Variants in CCDC157 observed in about 807,000 individuals in gnomAD.
The protein encoded by CCDC157 is coiled-coil domain-containing protein 157.
Under a neutral mutation model 70.9 loss-of-function variants are expected in CCDC157, and 60 were observed. The observed-to-expected ratio is 0.85, with a 90% CI of 0.69 to 1.05. CCDC157 has a LOEUF of 1.05. Among genes scored for constraint, CCDC157 ranks in the 50% least tolerant of loss-of-function variants. CCDC157 has a pLI of 0.00. For missense variants in CCDC157, 943 were observed against 984.2 expected (o/e 0.96, Z 0.56); for synonymous variants, 373 against 422.4 (o/e 0.88, Z 1.43).
intron 1 of CCDC157, among the ~76,000 whole-genome samples, chr22:30,361,099 T>C (rs1228885802): frequency 6.6e-6 from 1 of 151,568 alleles, no homozygotes; most frequent in Non-Finnish European, 1.5e-5. Flanking sequence ...AATACAAAAA[T>C]TAGCTGGGCG....
At chr22:30,356,916 C>T, upstream of CCDC157, 1 of 807,074 alleles carries the variant, frequency 1.2e-6, no homozygotes, top group Non-Finnish European at 1.7e-6. Context: ...GAGTTGCGGC[C>T]GCGAAGGTAC....
At chr22:30,371,558 G>A in intron 5 of CCDC157, 92 bp from the exon 6 acceptor site, 1 of 1,084,022 alleles carries the variant, frequency 9.2e-7, no homozygotes, top group Non-Finnish European at 1.4e-6. Flanking sequence ...GCAGGCGATG[G>A]GCTGCCTCCA....
rs771952888 is a variant in CCDC157, at chr22:30,369,585, C to T, written c.402C>T (p.His134=). The change falls in exon 4 of 12, where the codon CAC becomes CAT. Residue 134 remains histidine, a synonymous_variant. Transcript: ENST00000338306. ...GCCTGCTGAGGCTGGGCACGCTCCA[C>T]CAGCAGCCACTCCCCCAGGTGGGTC... ...WDSLLRLGTL[H]QQPLPQKGAN... is the part of the protein sequence containing the mutation. The T allele has an allele frequency of 2.9e-5, 45 of 1,568,280 alleles. No individual in the cohort carries two copies. Among genetic ancestry groups the T allele is most frequent in the Non-Finnish European group, 3.7e-5 (43 of 1,160,418 alleles).
At chr22:30,356,936 A>T (rs1372030583), upstream of CCDC157, 2 of 644,276 alleles carry the variant, frequency 3.1e-6, no homozygotes, top group East Asian at 6.9e-5. Flanking sequence ...CGACTGGCGC[A>T]CTTCCGGGAC....
chr22:30,365,816 C>T, intron 2 of CCDC157, 174 bp from the exon 3 acceptor site: 1 of 638,134 alleles, frequency 1.6e-6, no homozygotes, highest in Non-Finnish European at 2.7e-6. Flanking sequence ...GGTAAGGCCA[C>T]CCAGAACCGG....
chr22:30,374,114 A>C, intron 9 of CCDC157, 23 bp downstream of exon 9: 1 of 1,573,136 alleles, frequency 6.4e-7, no homozygotes, highest in Non-Finnish European at 8.6e-7. Flanking sequence ...GGATGGTGCC[A>C]AGGGCATGCT....
At chr22:30,370,214 CTGAG>C in intron 4 of CCDC157, 108 bp from the exon 5 acceptor site, 4 of 1,186,656 alleles carry the variant, frequency 3.4e-6, no homozygotes, top group Non-Finnish European at 4.9e-6. Flanking sequence ...ATTTGAGGGT[CTGAG>C]TGTCAGGCAA....
rs552226073 is a variant in CCDC157, at chr22:30,375,228, A to G, written c.1673-251A>G. 148 of 415,118 alleles carry G rather than the reference A, an allele frequency of 3.6e-4. No individual in the cohort carries two copies. In the East Asian group the frequency reaches 7.7e-3, roughly 21 times the overall value. The allele number at this position is 415,118 out of a possible 1,614,324, so 25.7% of individuals were successfully genotyped here. On this transcript the variant is annotated intron_variant, in intron 9 of 11. Coordinates refer to ENST00000338306, the MANE Select transcript of CCDC157 (RefSeq NM_001017437.5). ...GACCTGGGCCTCCCAAAGTGCTGGG[A>G]TTACAGGCGTGAGCCACCGCGCCCG...
In CCDC157 at chr22:30,376,640, C is replaced by A; in HGVS notation, c.2154C>A (p.Thr718=). The A allele has an allele frequency of 6.2e-7, 1 of 1,613,914 alleles. No homozygotes were observed. Among genetic ancestry groups the A allele is most frequent in the Non-Finnish European group, 8.5e-7 (1 of 1,180,022 alleles). The change falls in exon 12 of 12, where the codon ACC becomes ACA. Residue 718 remains threonine, a synonymous_variant. Coordinates refer to ENST00000338306, the MANE Select transcript of CCDC157 (RefSeq NM_001017437.5). ...TGGAGGGTGTGACCCACTTGGACAC[C>A]TGCACCCAGAACCCCATCAAGGTCT... is the stretch of plus-strand genomic sequence containing the variant. The part of the protein sequence containing the change: ...SLLEGVTHLD[T]CTQNPIKVLV...
chr22:30,366,121 A>T lies in CCDC157; in HGVS notation c.121A>T (p.Lys41Ter). 6.2e-7 allele frequency: 1 copy of T among 1,613,438 alleles called. No homozygotes were observed. Among genetic ancestry groups the T allele is most frequent in the Non-Finnish European group, 8.5e-7 (1 of 1,180,018 alleles). Residue 41 changes from lysine to a stop codon, truncating the protein, a stop_gained, in exon 3 of 12, where the codon AAG becomes TAG. Coordinates refer to ENST00000338306, the MANE Select transcript of CCDC157 (RefSeq NM_001017437.5). LOFTEE classifies it high-confidence loss of function. Reference sequence around the variant, plus strand: ...CGGGCCTGTGCGCTTCCCCTCCTGGAAGTTCCCTGACCGCATGGCCTGTGA... The same window carrying T: ...CGGGCCTGTGCGCTTCCCCTCCTGGTAGTTCCCTGACCGCATGGCCTGTGA... ...RAGPVRFPSW[K>*]FPDRMACDLD...
At chr22:30,374,300 C>T (rs1007758855) in intron 9 of CCDC157, 2 of 658,508 alleles carry the variant, frequency 3.0e-6, no homozygotes, top group Admixed American at 2.2e-5. Context: ...GACGTGAAAG[C>T]CCAACAGTGA....
intron 2 of CCDC157, among the ~76,000 whole-genome samples, chr22:30,365,554 A>G (rs1932664153): frequency 6.6e-6 from 1 of 152,128 alleles, no homozygotes; most frequent in African/African-American, 2.4e-5. Context: ...AACCTGCTGC[A>G]GTGGTCTAGG....
intron 10 of CCDC157, chr22:30,375,909 C>T (rs750110790): frequency 8.8e-5 from 49 of 556,700 alleles, no homozygotes; most frequent in Admixed American, 2.2e-4. Context: ...CTCGTCAGGC[C>T]GGGTGCGGCG....
chr22:30,358,298 CG>C (rs1218125386), intron 1 of CCDC157, among the ~76,000 whole-genome samples: 2 of 152,146 alleles, frequency 1.3e-5, no homozygotes, highest in African/African-American at 4.8e-5. Flanking sequence ...TACTATGAGC[CG>C]GATACTGTGC....
chr22:30,358,824 G>A (rs535686738), intron 1 of CCDC157, among the ~76,000 whole-genome samples: 47 of 152,322 alleles, frequency 3.1e-4, no homozygotes, highest in African/African-American at 9.4e-4. Flanking sequence ...GGCAGCTTCA[G>A]ACTGAGGGTT....
chr22:30,370,113 C>T (rs949543682), intron 4 of CCDC157: 7 of 649,110 alleles, frequency 1.1e-5, no homozygotes, highest in African/African-American at 5.4e-5. Context: ...GCTTGGGGTG[C>T]GGGCCGCAGA....
At position 30,370,608 on chromosome 22, in the gene CCDC157, G is replaced by C. The variant is rs747745686; in HGVS notation, c.703G>C (p.Gly235Arg). 6.2e-7 allele frequency: 1 copy of C among 1,614,094 alleles called. No homozygotes were observed. The highest frequency in any genetic ancestry group is 8.5e-7 in the Non-Finnish European group (1 of 1,180,034). ...CGTCCAGGGAAGCCTGCAGAAGGTG[G>C]GCAAGGTGGTCATCAGCCTGTGTCA... is the stretch of plus-strand genomic sequence containing the variant. ...ASVQGSLQKV[G>R]KVVISLCQSQ... Residue 235 changes from glycine to arginine, a missense_variant, in exon 5 of 12, where the codon GGC (glycine) becomes CGC (arginine). Transcript: ENST00000338306.
At position 30,373,981 on chromosome 22, in the gene CCDC157, T is replaced by TG; in HGVS notation, c.1563dup (p.Arg522AlafsTer137). On this transcript the variant is annotated frameshift_variant, in exon 9 of 12. Coordinates refer to ENST00000338306, the MANE Select transcript of CCDC157 (RefSeq NM_001017437.5). LOFTEE classifies it high-confidence loss of function. ...GGCCTGGAGCAGGCGACTACGGACCTGCGGCTAACCATCCTGGAGCTAGAA... is the reference window on the plus strand; with the variant it reads ...GGCCTGGAGCAGGCGACTACGGACCTGGCGGCTAACCATCCTGGAGCTAGAA... 3.1e-6 allele frequency: 5 copies of TG among 1,612,924 alleles called. No individual in the cohort carries two copies. The highest frequency in any genetic ancestry group is 4.2e-6 in the Non-Finnish European group (5 of 1,179,644).
chr22:30,362,540 A>T (rs1250946215), intron 2 of CCDC157, among the ~76,000 whole-genome samples: 1 of 152,114 alleles, frequency 6.6e-6, no homozygotes, highest in African/African-American at 2.4e-5. Context: ...GTCCAGTCTT[A>T]GTGCTGTAGA....
Sources: gnomAD v4.1 joint callset for allele counts (sites outside exome capture counted in the v4.1 genomes callset) on GRCh38, gnomAD v4.1.1 for gene constraint, MANE v1.5 for transcripts, NCBI Gene and HGNC (gene_info 2026-07-23, HGNC 2026-07-21) for gene names.